The following PPP1R12A variants were observed in gnomAD, a reference collection of about 807,000 sequenced individuals.
PPP1R12A encodes the protein protein phosphatase 1 regulatory subunit 12A.
In PPP1R12A, 19 loss-of-function variants were observed where a neutral mutation model predicts 139.6. The observed-to-expected ratio is 0.14, with a 90% CI of 0.09 to 0.20. The LOEUF (loss-of-function observed/expected upper bound fraction) is 0.20. PPP1R12A is among the 10% of genes least tolerant of loss of function. The pLI is 1.00. For synonymous variants in PPP1R12A, 427 were observed against 420.6 expected, an observed-to-expected ratio of 1.02 and a Z score of -0.19; for missense variants, 925 against 1,211.5, an observed-to-expected ratio of 0.76 and a Z score of 3.51.
At chr12:79,784,544 A>G (rs1592607248) in intron 22 of PPP1R12A, among the ~76,000 whole-genome samples, 1 of 152,230 alleles carries the variant, frequency 6.6e-6, no homozygotes, top group South Asian at 2.1e-4. Context: ...TGAAGTAGGC[A>G]GCAGAGCAGA....
chr12:79,901,861 C>T (rs1885671464), intron 1 of PPP1R12A, among the ~76,000 whole-genome samples: 1 of 152,154 alleles, frequency 6.6e-6, no homozygotes, highest in Admixed American at 6.5e-5. Context: ...GAATAAGACA[C>T]AGAGTCAGGG....
intron 1 of PPP1R12A, among the ~76,000 whole-genome samples, chr12:79,928,171 A>G (rs531552031): frequency 1.2e-4 from 19 of 152,216 alleles, no homozygotes; most frequent in Non-Finnish European, 2.1e-4. Context: ...CACTTCCTCT[A>G]TTCCATCCAG....
At chr12:79,913,412 C>T (rs1011841136) in intron 1 of PPP1R12A, among the ~76,000 whole-genome samples, 3 of 152,080 alleles carry the variant, frequency 2.0e-5, no homozygotes, top group Non-Finnish European at 4.4e-5. Flanking sequence ...GAACTTTTTC[C>T]CCATATAGAC....
In PPP1R12A at chr12:79,820,829, A is replaced by G; in HGVS notation, c.1059T>C (p.Ser353=). 1 of 1,613,616 alleles carries G rather than the reference A, an allele frequency of 6.2e-7. No individual in the cohort carries two copies. Among genetic ancestry groups the G allele is most frequent in the African/African-American group, 1.3e-5 (1 of 75,042 alleles). The change falls in exon 8 of 25, where the codon TCT becomes TCC. Residue 353 remains serine, a synonymous_variant. Coordinates refer to ENST00000450142, the MANE Select transcript of PPP1R12A (RefSeq NM_002480.3). ...CCTCATCTTCTTCACTAGAGCAGCT[A>G]GACTCATCCTTCTTTCCTTCTTCTT... The part of the protein sequence containing the change: ...DEEEEGKKDE[S]SCSSEEDEED...
intron 3 of PPP1R12A, among the ~76,000 whole-genome samples, chr12:79,842,575 T>TAG (rs1335113900): frequency 7.0e-6 from 1 of 143,836 alleles, no homozygotes. Context: ...ATGTGGCACT[T>TAG]TGTGTGTGTG....
At chr12:79,928,869 T>C (rs1045437185) in intron 1 of PPP1R12A, among the ~76,000 whole-genome samples, 11 of 152,334 alleles carry the variant, frequency 7.2e-5, no homozygotes, top group African/African-American at 2.4e-4. Flanking sequence ...GTAGATCAAA[T>C]TTGTATTTTA....
At chr12:79,931,183 G>C (rs545741559) in intron 1 of PPP1R12A, among the ~76,000 whole-genome samples, 1 of 152,260 alleles carries the variant, frequency 6.6e-6, no homozygotes, top group East Asian at 1.9e-4. Context: ...ATACTGAATT[G>C]CAACTATGAA....
chr12:79,843,446 C>A (rs1335443380), intron 3 of PPP1R12A, among the ~76,000 whole-genome samples: 1 of 151,534 alleles, frequency 6.6e-6, no homozygotes, highest in Non-Finnish European at 1.5e-5. Flanking sequence ...GGCACGGTGG[C>A]AGGCGCCTGT....
rs115032407 is a variant in PPP1R12A at position 79,909,714 on chromosome 12, C to T, written c.237+24981G>A. ...ACGCTACTGTACTCCAGCCTGGTGA[C>T]AGAACTCCGTCTTAAAAAAAAAAAA... On this transcript the variant is annotated intron_variant, in intron 1 of 24. Transcript: ENST00000450142. Among the ~76,000 whole-genome samples, 1,062 of 130,304 alleles carry T rather than the reference C, an allele frequency of 8.2e-3. 15 individuals carry two copies. The highest frequency in any genetic ancestry group is 0.028 in the African/African-American group (1,013 of 36,538). 85.5% of individuals were successfully genotyped at this position (130,304 alleles called of 152,430 possible). A position where few individuals can be genotyped will look rare whatever the true frequency, so the allele number is the denominator to read the frequency against.
chr12:79,795,839 A>G, intron 17 of PPP1R12A, 80 bp from the exon 18 acceptor site: 1 of 1,424,692 alleles, frequency 7.0e-7, no homozygotes, highest in South Asian at 1.2e-5. Flanking sequence ...AACAATGGGT[A>G]AAATGGGCCA....
At chr12:79,892,818 T>G (rs758284206) in intron 1 of PPP1R12A, among the ~76,000 whole-genome samples, 2 of 152,172 alleles carry the variant, frequency 1.3e-5, no homozygotes, top group Non-Finnish European at 2.9e-5. Flanking sequence ...TAAATGCTCT[T>G]TGAGGTCAGG....
intron 1 of PPP1R12A, among the ~76,000 whole-genome samples, chr12:79,882,561 G>C (rs1254932561): frequency 1.3e-5 from 2 of 152,172 alleles, no homozygotes; most frequent in East Asian, 1.9e-4. Flanking sequence ...ATCTACTCCT[G>C]GTGAAGATGC....
At position 79,810,084 on chromosome 12, in the gene PPP1R12A, A is replaced by C. The variant is rs146482507; in HGVS notation, c.1240-74T>G. The C allele has an allele frequency of 4.8e-4, 534 of 1,112,022 alleles. 1 individual carries two copies. In the African/African-American group the frequency reaches 6.4e-3, roughly 13 times the overall value. 68.9% of individuals were successfully genotyped at this position (1,112,022 alleles called of 1,614,324 possible). A position where few individuals can be genotyped will look rare whatever the true frequency, so the allele number is the denominator to read the frequency against. ...GATCAGTCCTTAAATTGGAAACAAT[A>C]AGTTTACAGATAATATATTTAAAAT... On this transcript the variant is annotated intron_variant, in intron 9 of 24. Transcript: ENST00000450142.
chr12:79,879,162 T>C (rs970215600), intron 1 of PPP1R12A, among the ~76,000 whole-genome samples: 5 of 152,048 alleles, frequency 3.3e-5, no homozygotes, highest in Non-Finnish European at 1.5e-5. Flanking sequence ...GGCAGATCAC[T>C]TGAGGTCAGG....
chr12:79,935,330 A>C, upstream of PPP1R12A: 1 of 1,029,470 alleles, frequency 9.7e-7, no homozygotes, highest in Non-Finnish European at 1.2e-6. Context: ...GGTGTGGCCC[A>C]GGCAGCGGGG....
intron 1 of PPP1R12A, among the ~76,000 whole-genome samples, chr12:79,925,753 C>A (rs1887791281): frequency 1.3e-5 from 2 of 151,916 alleles, no homozygotes; most frequent in Non-Finnish European, 2.9e-5. Context: ...TTATGGTTAG[C>A]CAGCATAACA....
At chr12:79,890,172 T>C (rs374781181) in intron 1 of PPP1R12A, among the ~76,000 whole-genome samples, 1 of 152,196 alleles carries the variant, frequency 6.6e-6, no homozygotes, top group Middle Eastern at 3.4e-3. Flanking sequence ...CTTAATAACA[T>C]TGAATAAAAT....
At chr12:79,925,878 G>A (rs1460092933) in intron 1 of PPP1R12A, among the ~76,000 whole-genome samples, 2 of 152,082 alleles carry the variant, frequency 1.3e-5, no homozygotes, top group African/African-American at 4.8e-5. Flanking sequence ...CAGAAAATAT[G>A]CATTATTTCT....
intron 18 of PPP1R12A, 74 bp downstream of exon 18, chr12:79,795,564 T>C (rs17299883): frequency 0.16 from 227,039 of 1,383,876 alleles, 20,277 homozygotes; most frequent in Non-Finnish European, 0.18. Context: ...AAGAAATTAT[T>C]AGTATGTATT....
Sources: gnomAD v4.1 joint callset for allele counts (sites outside exome capture counted in the v4.1 genomes callset) on GRCh38, gnomAD v4.1.1 for gene constraint, MANE v1.5 for transcripts, NCBI Gene and HGNC (gene_info 2026-07-23, HGNC 2026-07-21) for gene names.